Variants in GRIP1 observed in about 807,000 individuals in gnomAD.
The protein encoded by GRIP1 is glutamate receptor interacting protein 1.
A neutral mutation model predicts 129.9 loss-of-function variants in GRIP1; 45 were observed. That is an observed-to-expected ratio of 0.35 (90% confidence interval 0.27 to 0.44). GRIP1 has a LOEUF of 0.44. Ranked by LOEUF, GRIP1 falls within the 20% of genes least tolerant of loss-of-function variation. The pLI is 1.00. For synonymous variants in GRIP1, 530 were observed against 520.8 expected (o/e 1.02, Z -0.24); for missense variants, 1,196 against 1,396.8 (o/e 0.86, Z 2.29).
chr12:66,907,817 A>G (rs928124962), intron 1 of GRIP1, among the ~76,000 whole-genome samples: 33 of 152,192 alleles, frequency 2.2e-4, no homozygotes, highest in African/African-American at 7.7e-4. Context: ...TCCTACATCA[A>G]TTGCACAACA....
chr12:66,453,013 G>A (rs1352737044), intron 11 of GRIP1, among the ~76,000 whole-genome samples: 1 of 152,144 alleles, frequency 6.6e-6, no homozygotes, highest in South Asian at 2.1e-4. Context: ...TATGTTTATT[G>A]TGAGTGGTGC....
intron 1 of GRIP1, among the ~76,000 whole-genome samples, chr12:66,743,588 C>CT (rs150045918): frequency 0.18 from 23,115 of 128,534 alleles, 1,897 homozygotes; most frequent in East Asian, 0.33. Context: ...CGTAAATAGG[C>CT]TTTTTTTTTG....
intron 1 of GRIP1, among the ~76,000 whole-genome samples, chr12:66,697,785 G>A (rs2035214968): frequency 2.0e-5 from 3 of 152,080 alleles, no homozygotes; most frequent in Admixed American, 6.6e-5. Flanking sequence ...TATTTTTAGT[G>A]GGTTACTCTC....
In GRIP1 at chr12:66,604,806, T is replaced by C. The variant is rs755496042; in HGVS notation, c.56-7879A>G. On this transcript the variant is annotated intron_variant, in intron 1 of 24. Coordinates refer to ENST00000359742, the MANE Select transcript of GRIP1 (RefSeq NM_001366722.1). ...TGGATTACCTCAGAGTAATGAGTAC[T>C]GGCTATTTAAAATCACATTTTAAAT... Among the ~76,000 whole-genome samples the C allele has an allele frequency of 7.9e-5, 12 of 152,294 alleles. No individual in the cohort carries two copies. In the East Asian group the frequency reaches 9.6e-4, roughly 12 times the overall value.
chr12:66,640,360 A>C (rs2031813277), intron 1 of GRIP1, among the ~76,000 whole-genome samples: 1 of 152,208 alleles, frequency 6.6e-6, no homozygotes, highest in African/African-American at 2.4e-5. Flanking sequence ...TCAACATCAG[A>C]CAAGCATAGA....
intron 1 of GRIP1, among the ~76,000 whole-genome samples, chr12:66,993,123 A>T (rs1185204809): frequency 1.3e-5 from 2 of 152,072 alleles, no homozygotes; most frequent in South Asian, 2.1e-4. Context: ...CAAAAAAAAA[A>T]ATATCACAAA....
intron 1 of GRIP1, among the ~76,000 whole-genome samples, chr12:66,877,164 C>G (rs1191429718): frequency 6.6e-6 from 1 of 152,006 alleles, no homozygotes; most frequent in Non-Finnish European, 1.5e-5. Context: ...ACACCTGTAA[C>G]CGACAGCATT....
chr12:66,851,497 A>G (rs1166988191), intron 1 of GRIP1, among the ~76,000 whole-genome samples: 1 of 152,110 alleles, frequency 6.6e-6, no homozygotes, highest in Non-Finnish European at 1.5e-5. Flanking sequence ...CCAAATCTTC[A>G]TCGTGCAGGT....
intron 16 of GRIP1, among the ~76,000 whole-genome samples, chr12:66,399,582 C>T (rs2056911063): frequency 6.6e-6 from 1 of 151,918 alleles, no homozygotes; most frequent in African/African-American, 2.4e-5. Context: ...GGGGGCAAGC[C>T]TACTTGTTTG....
chr12:66,459,145 C>T (rs1404443171), intron 9 of GRIP1, among the ~76,000 whole-genome samples: 2 of 152,118 alleles, frequency 1.3e-5, no homozygotes, highest in East Asian at 3.8e-4. Context: ...TAGAACAGTG[C>T]CTGGTATATA....
chr12:66,684,297 C>T (rs892782584), intron 1 of GRIP1, among the ~76,000 whole-genome samples: 1 of 152,128 alleles, frequency 6.6e-6, no homozygotes, highest in African/African-American at 2.4e-5. Flanking sequence ...ACAAGTAAAA[C>T]GCACCCTTTT....
rs146614698 is a variant in GRIP1 at position 66,964,010 on chromosome 12, T to C, written c.58+105040A>G. Among the ~76,000 whole-genome samples the C allele has an allele frequency of 2.1e-3, 322 of 152,250 alleles. 1 individual carries two copies. Among genetic ancestry groups the C allele is most frequent in the African/African-American group, 7.3e-3 (303 of 41,562 alleles). Reference sequence around the variant, plus strand: ...CTATAGACAATCACATTACAAGTTCTCTTAGTTCTACCTCCTGAGTAACTC... The same window carrying C: ...CTATAGACAATCACATTACAAGTTCCCTTAGTTCTACCTCCTGAGTAACTC... On this transcript the variant is annotated intron_variant, in intron 1 of 1. Coordinates refer to the GRIP1 transcript ENST00000643019.
chr12:66,606,247 G>A (rs79854734), intron 1 of GRIP1, among the ~76,000 whole-genome samples: 416 of 152,304 alleles, frequency 2.7e-3, no homozygotes, highest in Non-Finnish European at 4.6e-3. Context: ...ACTTATCAGA[G>A]TGCAAAGTCG....
chr12:66,784,364 C>T lies in GRIP1; in HGVS notation c.-420+19689G>A, dbSNP rs566164031. On this transcript the variant is annotated intron_variant, in intron 1 of 4. Transcript: ENST00000538373. ...TATTATTTGCACAGCACTGTACTAA[C>T]CTCTTCACATGCATCATTTCATTTT... is the stretch of plus-strand genomic sequence containing the variant. Among the ~76,000 whole-genome samples the T allele has an allele frequency of 2.2e-4, 34 of 152,274 alleles. No individual in the cohort carries two copies. The South Asian group carries it at 2.9e-3, about 13-fold the overall frequency.
At chr12:66,518,403 T>C (rs2060906147) in intron 5 of GRIP1, among the ~76,000 whole-genome samples, 2 of 141,978 alleles carry the variant, frequency 1.4e-5, no homozygotes, top group South Asian at 2.5e-4. Flanking sequence ...AAAATCCTAG[T>C]ACTAAAAAAG....
intron 2 of GRIP1, chr12:66,568,805 T>C: frequency 3.2e-6 from 1 of 315,196 alleles, no homozygotes; most frequent in South Asian, 3.1e-5. Flanking sequence ...TACTATTTGG[T>C]GTTGGAGTCT....
intron 1 of GRIP1, among the ~76,000 whole-genome samples, chr12:66,986,499 T>TA (rs1202550749): frequency 1.3e-5 from 2 of 148,998 alleles, no homozygotes; most frequent in African/African-American, 4.9e-5. Flanking sequence ...TATGCAGCCA[T>TA]AAAAAATGAT....
intron 14 of GRIP1, among the ~76,000 whole-genome samples, chr12:66,426,762 T>C (rs532192033): frequency 3.9e-5 from 6 of 152,314 alleles, no homozygotes; most frequent in African/African-American, 7.2e-5. Context: ...GCTGTTTATT[T>C]GGGTCAGATG....
chr12:66,926,598 T>C (rs1254173787), intron 1 of GRIP1, among the ~76,000 whole-genome samples: 1 of 152,226 alleles, frequency 6.6e-6, no homozygotes, highest in African/African-American at 2.4e-5. Flanking sequence ...TCAAGTCCTT[T>C]CTAAATGTGC....
Sources: gnomAD v4.1 joint callset for allele counts (sites outside exome capture counted in the v4.1 genomes callset) on GRCh38, gnomAD v4.1.1 for gene constraint, MANE v1.5 for transcripts, NCBI Gene and HGNC (gene_info 2026-07-23, HGNC 2026-07-21) for gene names.